The following CFAP54 variants were observed in gnomAD, a reference collection of about 807,000 sequenced individuals.
CFAP54 encodes the protein cilia- and flagella-associated protein 54.
In CFAP54, 290 loss-of-function variants were observed where a neutral mutation model predicts 370.4. The ratio of observed to expected loss-of-function variants is 0.78; its 90% confidence interval spans 0.71 to 0.86. The LOEUF (loss-of-function observed/expected upper bound fraction) is 0.86, where lower values mean the gene tolerates loss of function less well. Among genes scored for constraint, CFAP54 ranks in the 40% least tolerant of loss-of-function variants. The probability of loss-of-function intolerance (pLI) is 0.00; values close to 1 mark genes in which losing one functional copy is unlikely to be tolerated. For synonymous variants in CFAP54, 1,206 were observed against 1,236.5 expected (o/e 0.98, Z 0.52); for missense variants, 3,399 against 3,528.7 (o/e 0.96, Z 0.93).
intron 66 of CFAP54, among the ~76,000 whole-genome samples, chr12:96,846,234 T>G (rs578006834): frequency 6.6e-6 from 1 of 152,352 alleles, no homozygotes; most frequent in Non-Finnish European, 1.5e-5. Flanking sequence ...TAGCCATTTC[T>G]CTTAAATACT....
chr12:96,730,063 A>G (rs1240469042), intron 50 of CFAP54, among the ~76,000 whole-genome samples: 1 of 152,274 alleles, frequency 6.6e-6, no homozygotes, highest in Non-Finnish European at 1.5e-5. Flanking sequence ...GTTATCCTCT[A>G]GTTTGGGAAT....
chr12:96,535,440 T>G, intron 11 of CFAP54, 75 bp from the exon 12 acceptor site: 2 of 876,352 alleles, frequency 2.3e-6, no homozygotes, highest in East Asian at 5.3e-5. Context: ...AGCATATTTG[T>G]GTTTCTGTGC....
intron 32 of CFAP54, among the ~76,000 whole-genome samples, chr12:96,633,721 A>G (rs996836584): frequency 6.6e-6 from 1 of 152,210 alleles, no homozygotes; most frequent in African/African-American, 2.4e-5. Context: ...GCATTTGACT[A>G]TTAGGAATAA....
At chr12:96,651,554 C>G in intron 35 of CFAP54, 34 bp from the exon 36 acceptor site, 1 of 1,564,036 alleles carries the variant, frequency 6.4e-7, no homozygotes, top group Non-Finnish European at 8.8e-7. Flanking sequence ...ACTTTTGGAA[C>G]TTTGGGATCT....
chr12:96,848,485 T>G (rs532711729), intron 66 of CFAP54, among the ~76,000 whole-genome samples: 20 of 152,010 alleles, frequency 1.3e-4, no homozygotes, highest in African/African-American at 4.8e-4. Flanking sequence ...GATCACGAGG[T>G]CAAGAGATCG....
chr12:96,679,627 G>C lies in CFAP54; in HGVS notation c.5591G>C (p.Cys1864Ser), dbSNP rs1246598174. The part of the protein sequence containing the change: ...SEYSRAKALV[C>S]VPVDVTDTLR... Reference sequence around the variant, plus strand: ...TACAGCCGAGCCAAAGCGCTTGTCTGCGTGCCCGTGGACGTGACAGACACC... The same window carrying C: ...TACAGCCGAGCCAAAGCGCTTGTCTCCGTGCCCGTGGACGTGACAGACACC... Residue 1864 changes from cysteine (C) to serine (S), a missense_variant, in exon 40 of 68, where the codon TGC becomes TCC. By Grantham distance (112) the Cys-to-Ser change is moderately radical. Transcript: ENST00000524981. 1.2e-6 allele frequency: 2 copies of C among 1,612,924 alleles called. No individual in the cohort carries two copies. The highest frequency in any genetic ancestry group is 1.7e-6 in the Non-Finnish European group (2 of 1,179,542).
At chr12:96,684,478 C>T (rs972095049) in intron 40 of CFAP54, among the ~76,000 whole-genome samples, 170 bp from the exon 41 acceptor site, 29 of 152,140 alleles carry the variant, frequency 1.9e-4, no homozygotes, top group Non-Finnish European at 4.0e-4. Context: ...AACGTTTGCT[C>T]GCTCTCTTTG....
At chr12:96,758,296 A>G (rs1239842620) in intron 58 of CFAP54, among the ~76,000 whole-genome samples, 1 of 152,128 alleles carries the variant, frequency 6.6e-6, no homozygotes, top group South Asian at 2.1e-4. Context: ...ATTATAAAGG[A>G]AAGAGATTTA....
chr12:96,873,272 A>G (rs1236309111), intron 67 of CFAP54, among the ~76,000 whole-genome samples: 1 of 152,200 alleles, frequency 6.6e-6, no homozygotes, highest in Non-Finnish European at 1.5e-5. Context: ...AAGCTTGGGG[A>G]TAATAAGGGA....
At chr12:96,764,086 A>G in intron 58 of CFAP54, 65 bp from the exon 59 acceptor site, 2 of 1,040,756 alleles carry the variant, frequency 1.9e-6, no homozygotes, top group Non-Finnish European at 2.9e-6. Context: ...CTAAAATGTC[A>G]TCTTCAGAAG....
chr12:96,676,637 T>C (rs1317541636), intron 39 of CFAP54, among the ~76,000 whole-genome samples: 3 of 151,936 alleles, frequency 2.0e-5, no homozygotes, highest in Non-Finnish European at 1.5e-5. Context: ...CCTCCACCTC[T>C]GGGGTTCAAG....
intron 15 of CFAP54, among the ~76,000 whole-genome samples, chr12:96,552,215 C>T (rs1185174520): frequency 8.6e-6 from 1 of 115,874 alleles, no homozygotes; most frequent in Non-Finnish European, 1.7e-5. Context: ...CATTGCGCTC[C>T]AACCTGGGCA....
rs183189391 is a variant in CFAP54 at position 96,576,452 on chromosome 12, T to C, written c.2620-133T>C. ...ATTAAATAGTTGAAATATATATGTA[T>C]ATATTTGAGCCTCTGAGGCTTGAAA... On this transcript the variant is annotated intron_variant, in intron 19 of 67. Transcript: ENST00000524981. 1.0e-3 allele frequency: 649 copies of C among 639,484 alleles called. 4 individuals carry two copies. The African/African-American group carries it at 0.01, about 10-fold the overall frequency. The allele number at this position is 639,484 out of a possible 1,614,324, so 39.6% of individuals were successfully genotyped here.
chr12:96,811,958 G>C (rs1281066971), intron 64 of CFAP54, 116 bp downstream of exon 64: 2 of 575,270 alleles, frequency 3.5e-6, no homozygotes, highest in African/African-American at 3.9e-5. Context: ...ACTTCGCGAA[G>C]AATCTTCCTT....
chr12:96,573,096 G>C (rs1312566862), intron 19 of CFAP54: 9 of 930,518 alleles, frequency 9.7e-6, no homozygotes, highest in Non-Finnish European at 1.3e-6. Flanking sequence ...GGCCAGTGCT[G>C]CTGGTATATT....
intron 50 of CFAP54, among the ~76,000 whole-genome samples, chr12:96,738,362 A>C (rs769231503): frequency 6.6e-6 from 1 of 152,132 alleles, no homozygotes; most frequent in Non-Finnish European, 1.5e-5. Flanking sequence ...TGGGTGGCTG[A>C]AAGCAAGGAA....
At chr12:96,821,625 C>G (rs936709868) in intron 65 of CFAP54, among the ~76,000 whole-genome samples, 1 of 150,792 alleles carries the variant, frequency 6.6e-6, no homozygotes, top group African/African-American at 2.4e-5. Context: ...AGCAAATTAG[C>G]TCACAGCGTT....
rs1565984860 is a variant in CFAP54 at position 96,806,184 on chromosome 12, AT to A, written c.8851-5551del. The stretch of plus-strand genomic sequence containing the variant: ...AATATATATATATATATATATATAT[AT>A]ATATATATATATATATATATATATA... On this transcript the variant is annotated intron_variant, in intron 63 of 67. Transcript: ENST00000524981. Among the ~76,000 whole-genome samples the A allele has an allele frequency of 1.0e-3, 83 of 80,168 alleles. 8 individuals carry two copies. Among genetic ancestry groups the A allele is most frequent in the East Asian group, 5.6e-3 (14 of 2,478 alleles). The allele number at this position is 80,168 out of a possible 152,430, so 52.6% of individuals were successfully genotyped here.
chr12:96,753,528 G>A (rs966247297), intron 55 of CFAP54, among the ~76,000 whole-genome samples: 2 of 150,772 alleles, frequency 1.3e-5, no homozygotes, highest in African/African-American at 4.8e-5. Flanking sequence ...TGTTAGAAAT[G>A]TATCAAAGAA....
Sources: gnomAD v4.1 joint callset for allele counts (sites outside exome capture counted in the v4.1 genomes callset) on GRCh38, gnomAD v4.1.1 for gene constraint, MANE v1.5 for transcripts, NCBI Gene and HGNC (gene_info 2026-07-23, HGNC 2026-07-21) for gene names.